Variants in ANKRD22 observed in about 807,000 individuals in gnomAD.
ANKRD22 encodes ankyrin repeat domain 22.
ANKRD22 carries 24 observed loss-of-function variants against 25.7 expected under a neutral mutation model. That is an observed-to-expected ratio of 0.93 (90% CI 0.68 to 1.31). ANKRD22 has a LOEUF of 1.31. ANKRD22 is among the 50% of genes most tolerant of loss of function. The probability of loss-of-function intolerance (pLI) is 0.00; values close to 1 mark genes in which losing one functional copy is unlikely to be tolerated. For synonymous variants in ANKRD22, 84 were observed against 84.3 expected (o/e 1.00, Z 0.02); for missense variants, 214 against 227.1 (o/e 0.94, Z 0.37).
At chr10:88,830,946 A>G (rs1843897741) in intron 2 of ANKRD22, among the ~76,000 whole-genome samples, 4 of 152,206 alleles carry the variant, frequency 2.6e-5, no homozygotes. Context: ...CTTGCTTTTA[A>G]TCGCAACCAA....
chr10:88,832,028 T>C lies in ANKRD22; in HGVS notation c.22-2A>G, dbSNP rs754179745. On this transcript the variant is annotated splice_acceptor_variant, in intron 1 of 5. Coordinates refer to ENST00000371930, the MANE Select transcript of ANKRD22 (RefSeq NM_144590.3). LOFTEE classifies it high-confidence loss of function. Reference sequence around the variant, plus strand: ...CTGATAGGCTGCTTGGCAGATGGGCTGGGTCGGGAAAAACAAAAGCAGGTT... The same window carrying C: ...CTGATAGGCTGCTTGGCAGATGGGCCGGGTCGGGAAAAACAAAAGCAGGTT... 1 of 1,589,458 alleles carries C rather than the reference T, an allele frequency of 6.3e-7. No homozygotes were observed. The highest frequency in any genetic ancestry group is 1.1e-5 in the South Asian group (1 of 86,996).
At chr10:88,843,784 T>C (rs1844024263) in intron 1 of ANKRD22, among the ~76,000 whole-genome samples, 1 of 152,188 alleles carries the variant, frequency 6.6e-6, no homozygotes, top group South Asian at 2.1e-4. Context: ...GTAAATTCTT[T>C]GGAGAAAACA....
Position 88,821,990 on chromosome 10 carries a change from T to A in ANKRD22, c.*951A>T, listed in dbSNP as rs1843801022. 1 of 152,232 alleles carries A rather than the reference T, an allele frequency of 6.6e-6. No homozygotes were observed. 9.4% of individuals were successfully genotyped at this position (152,232 alleles called of 1,614,324 possible). On this transcript the variant is annotated 3_prime_UTR_variant, in exon 6 of 6. Coordinates refer to ENST00000371930, the MANE Select transcript of ANKRD22 (RefSeq NM_144590.3). ...TTTATCCAAATAAGTTACAATAATA[T>A]TTTACATCTATCAATAAAATAAACA... is the stretch of plus-strand genomic sequence containing the variant.
rs564898155 is a variant in ANKRD22 at position 88,850,989 on chromosome 10, A to G, written c.21+598T>C. On this transcript the variant is annotated intron_variant, in intron 1 of 5. Coordinates refer to ENST00000371930, the MANE Select transcript of ANKRD22 (RefSeq NM_144590.3). ...CTTGCTTGTACTTTCTTGAAACATC[A>G]TTAAAAATCCATTTGATTCTAATAA... 1.8e-4 allele frequency among the ~76,000 whole-genome samples: 27 copies of G among 152,268 alleles called. No individual in the cohort carries two copies. In the South Asian group the frequency reaches 5.6e-3, roughly 32 times the overall value.
At chr10:88,834,363 C>A (rs1564604655) in intron 1 of ANKRD22, among the ~76,000 whole-genome samples, 1 of 152,024 alleles carries the variant, frequency 6.6e-6, no homozygotes, top group Non-Finnish European at 1.5e-5. Flanking sequence ...GAAAGCAGTT[C>A]TTTATATTGG....
rs891505161 is a variant in ANKRD22 at position 88,822,403 on chromosome 10, G to C, written c.*538C>G. On this transcript the variant is annotated 3_prime_UTR_variant, in exon 6 of 6. Coordinates refer to ENST00000371930, the MANE Select transcript of ANKRD22 (RefSeq NM_144590.3). ...CTGCTCAATACTCAAAGGGGGCTGGGAGGAACAGTTTGTCTCCTAGGGCAT... is the reference window on the plus strand; with the variant it reads ...CTGCTCAATACTCAAAGGGGGCTGGCAGGAACAGTTTGTCTCCTAGGGCAT... 6.6e-6 allele frequency: 1 copy of C among 152,408 alleles called. No individual in the cohort carries two copies. Among genetic ancestry groups the C allele is most frequent in the Non-Finnish European group, 1.5e-5 (1 of 68,324 alleles). 9.4% of individuals were successfully genotyped at this position (152,408 alleles called of 1,614,324 possible). A position where few individuals can be genotyped will look rare whatever the true frequency, so the allele number is the denominator to read the frequency against.
intron 1 of ANKRD22, among the ~76,000 whole-genome samples, chr10:88,850,537 T>G (rs185028607): frequency 6.6e-6 from 1 of 152,154 alleles, no homozygotes; most frequent in African/African-American, 2.4e-5. Context: ...TATCCTACCA[T>G]AGACTGAGTG....
rs1843794773 is a variant in ANKRD22 at position 88,821,550 on chromosome 10, C to T, written c.*1391G>A. The stretch of plus-strand genomic sequence containing the variant: ...TGGGTTTTTTGTCCCCAAGGGTCAC[C>T]TGGTAGCTCAGCTCAATGCCAGTGA... On this transcript the variant is annotated 3_prime_UTR_variant, in exon 6 of 6. Coordinates refer to ENST00000371930, the MANE Select transcript of ANKRD22 (RefSeq NM_144590.3). 6.6e-6 allele frequency among the ~76,000 whole-genome samples: 1 copy of T among 152,176 alleles called. No homozygotes were observed. Among genetic ancestry groups the T allele is most frequent in the Non-Finnish European group, 1.5e-5 (1 of 68,034 alleles).
At chr10:88,843,803 A>T (rs1418000052) in intron 1 of ANKRD22, among the ~76,000 whole-genome samples, 1 of 152,150 alleles carries the variant, frequency 6.6e-6, no homozygotes, top group East Asian at 1.9e-4. Flanking sequence ...CAAATGTTTT[A>T]TTCTTACATT....
rs374557171 is a variant in ANKRD22 at position 88,831,832 on chromosome 10, C to T, written c.213+3G>A. 5 of 1,603,352 alleles carry T rather than the reference C, an allele frequency of 3.1e-6. No individual in the cohort carries two copies. Among genetic ancestry groups the T allele is most frequent in the Non-Finnish European group, 2.6e-6 (3 of 1,175,448 alleles). ...ACACTCTCCATTCATGTCATGACCT[C>T]ACCTGGTTTTTGAGGTTGACATTAG... On this transcript the variant is annotated splice_donor_region_variant and intron_variant, in intron 2 of 5. Transcript: ENST00000371930.
intron 4 of ANKRD22, among the ~76,000 whole-genome samples, chr10:88,825,124 T>C (rs1215773610): frequency 1.3e-5 from 2 of 151,810 alleles, no homozygotes; most frequent in African/African-American, 4.8e-5. Flanking sequence ...AATGGGGCCA[T>C]GGTCTCTATC....
At chr10:88,827,165 A>C (rs1191296245) in intron 3 of ANKRD22, among the ~76,000 whole-genome samples, 1 of 152,050 alleles carries the variant, frequency 6.6e-6, no homozygotes, top group Non-Finnish European at 1.5e-5. Flanking sequence ...CTCTCTCCTT[A>C]GGCTTCCCTC....
At chr10:88,834,034 C>T (rs1377971528) in intron 1 of ANKRD22, among the ~76,000 whole-genome samples, 1 of 152,188 alleles carries the variant, frequency 6.6e-6, no homozygotes, top group African/African-American at 2.4e-5. Flanking sequence ...TTTTCATATT[C>T]GATTATTTCT....
At chr10:88,843,462 C>G (rs1844021468) in intron 1 of ANKRD22, among the ~76,000 whole-genome samples, 1 of 152,140 alleles carries the variant, frequency 6.6e-6, no homozygotes, top group Non-Finnish European at 1.5e-5. Context: ...GAAATGCTTG[C>G]TTGATTCTGA....
chr10:88,826,091 C>T lies in ANKRD22; in HGVS notation c.346G>A (p.Ala116Thr). Residue 116 changes from alanine to threonine, a missense_variant, in exon 4 of 6, where the codon GCT becomes ACT. By Grantham distance (58) the Ala-to-Thr change is moderately conservative. Transcript: ENST00000371930. ...GCATCAAGTAGCATTCGTACAAGAGCCTCATTCTGCTTTGTCTTTGATACC... is the reference window on the plus strand; with the variant it reads ...GCATCAAGTAGCATTCGTACAAGAGTCTCATTCTGCTTTGTCTTTGATACC... ...LMVSKTKQNE[A>T]LVRMLLDAGV... The T allele has an allele frequency of 6.2e-7, 1 of 1,612,710 alleles. No individual in the cohort carries two copies. Among genetic ancestry groups the T allele is most frequent in the Non-Finnish European group, 8.5e-7 (1 of 1,179,218 alleles).
intron 1 of ANKRD22, among the ~76,000 whole-genome samples, chr10:88,843,404 T>A (rs1844020843): frequency 6.6e-6 from 1 of 152,180 alleles, no homozygotes; most frequent in Non-Finnish European, 1.5e-5. Flanking sequence ...TTTCAAATCC[T>A]CATCACGCCT....
chr10:88,824,351 T>C (rs551294894), intron 4 of ANKRD22, among the ~76,000 whole-genome samples: 3 of 152,354 alleles, frequency 2.0e-5, no homozygotes, highest in Non-Finnish European at 4.4e-5. Flanking sequence ...TACCTTTGGC[T>C]ATCAAGACAG....
chr10:88,847,897 T>G (rs1409441321), intron 1 of ANKRD22, among the ~76,000 whole-genome samples: 7 of 151,990 alleles, frequency 4.6e-5, no homozygotes, highest in African/African-American at 1.4e-4. Flanking sequence ...TTACCCTTTG[T>G]GGACTTGCTT....
In ANKRD22 at chr10:88,822,544, C is replaced by CTGCTT. The variant is rs1554832256; in HGVS notation, c.*396_*397insAAGCA. 14 of 36,444 alleles carry CTGCTT rather than the reference C, an allele frequency of 3.8e-4. No individual in the cohort carries two copies. The highest frequency in any genetic ancestry group is 7.7e-4 in the Admixed American group (2 of 2,602). 2.3% of individuals were successfully genotyped at this position (36,444 alleles called of 1,614,324 possible). A position where few individuals can be genotyped will look rare whatever the true frequency, so the allele number is the denominator to read the frequency against. ...AAAGACTGAGTTTGGAACACCAGGGCTTTTTTTTTTTTTTTTTTTTTTGAG... is the reference window on the plus strand; with the variant it reads ...AAAGACTGAGTTTGGAACACCAGGGCTGCTTTTTTTTTTTTTTTTTTTTTTTTGAG... On this transcript the variant is annotated 3_prime_UTR_variant, in exon 6 of 6. Transcript: ENST00000371930.
Sources: allele counts gnomAD v4.1 joint callset (sites outside exome capture counted in the v4.1 genomes callset), GRCh38; gene constraint gnomAD v4.1.1; transcripts MANE v1.5; gene names NCBI Gene and HGNC (gene_info 2026-07-23, HGNC 2026-07-21).